The following ANO1 variants were observed in gnomAD, a reference collection of about 807,000 sequenced individuals.
ANO1 encodes the protein anoctamin 1, also known as anoctamin-1.
A neutral mutation model predicts 124.0 loss-of-function variants in ANO1; 59 were observed. That is an observed-to-expected ratio of 0.48 (90% CI 0.39 to 0.59). The LOEUF (loss-of-function observed/expected upper bound fraction) is 0.59. ANO1 is among the 20% of genes least tolerant of loss of function. ANO1 has a pLI of 0.00. For missense variants in ANO1, 1,059 were observed against 1,328.0 expected (o/e 0.80, Z 3.15); for synonymous variants, 529 against 532.0 (o/e 0.99, Z 0.08).
the ANO1 span, among the ~76,000 whole-genome samples, chr11:69,978,765 C>T: frequency 8.4e-4 from 128 of 152,282 alleles, no homozygotes; most frequent in African/African-American, 2.8e-3. Context: ...CTATTCAGGA[C>T]GAATTGAATT....
intron 2 of ANO1, among the ~76,000 whole-genome samples, chr11:70,093,856 C>T (rs193230836): frequency 3.3e-4 from 51 of 152,256 alleles, no homozygotes; most frequent in Non-Finnish European, 6.0e-4. Context: ...GGAGACGCAA[C>T]CTCGGGGCTC....
At chr11:69,993,491 T>C (rs1282686273) in intron 1 of ANO1, among the ~76,000 whole-genome samples, 2 of 152,192 alleles carry the variant, frequency 1.3e-5, no homozygotes, top group Non-Finnish European at 2.9e-5. Flanking sequence ...CCTCGGGCTA[T>C]ATTCCAGTTC....
At chr11:70,098,225 A>T (rs540107050) in intron 2 of ANO1, among the ~76,000 whole-genome samples, 2 of 152,150 alleles carry the variant, frequency 1.3e-5, no homozygotes, top group South Asian at 4.1e-4. Flanking sequence ...CCTCCTTGGG[A>T]GCTGAGGAAG....
chr11:70,139,662 C>A (rs1163804068), intron 11 of ANO1, among the ~76,000 whole-genome samples: 1 of 152,174 alleles, frequency 6.6e-6, no homozygotes, highest in African/African-American at 2.4e-5. Context: ...CATTGATGGG[C>A]ATCTTTGTTG....
intron 21 of ANO1, among the ~76,000 whole-genome samples, chr11:70,169,524 A>G (rs540539595): frequency 2.8e-4 from 42 of 150,788 alleles, no homozygotes; most frequent in Admixed American, 1.1e-3. Context: ...TTAGTGCCAG[A>G]GTAGGCAGCG....
At chr11:70,085,155 G>A (rs1405465368) in intron 1 of ANO1, among the ~76,000 whole-genome samples, 2 of 152,164 alleles carry the variant, frequency 1.3e-5, no homozygotes, top group East Asian at 1.9e-4. Context: ...TTCCTCCTTG[G>A]CGAATTGAGA....
intron 22 of ANO1, among the ~76,000 whole-genome samples, chr11:70,178,185 C>T (rs1212301363): frequency 2.0e-5 from 3 of 152,212 alleles, no homozygotes; most frequent in Non-Finnish European, 4.4e-5. Context: ...TCGGAGTCCA[C>T]GGAGGGCCCT....
At chr11:70,071,705 C>T (rs1857877833) in intron 1 of ANO1, among the ~76,000 whole-genome samples, 1 of 152,028 alleles carries the variant, frequency 6.6e-6, no homozygotes, top group Non-Finnish European at 1.5e-5. Context: ...CTCGCTGCAG[C>T]CTCAAACTTC....
chr11:70,001,195 GT>G (rs1238588277), intron 1 of ANO1, among the ~76,000 whole-genome samples: 1 of 152,220 alleles, frequency 6.6e-6, no homozygotes, highest in Non-Finnish European at 1.5e-5. Flanking sequence ...TACAGCTGTA[GT>G]CTGAGAAACC....
chr11:70,119,449 A>G (rs764402251), intron 8 of ANO1, among the ~76,000 whole-genome samples: 8 of 144,398 alleles, frequency 5.5e-5, no homozygotes, highest in Non-Finnish European at 1.2e-4. Flanking sequence ...TTAATGATGG[A>G]TGGATGGATG....
Position 70,026,579 on chromosome 11 carries a change from A to C in ANO1, c.58+40413A>C, listed in dbSNP as rs564970281. ...AATAATGATGATGACAACAGTAATGATGATGGTGGTGGTGGTGGTAGTGGC... is the reference window on the plus strand; with the variant it reads ...AATAATGATGATGACAACAGTAATGCTGATGGTGGTGGTGGTGGTAGTGGC... On this transcript the variant is annotated intron_variant, in intron 1 of 27. Coordinates refer to the ANO1 transcript ENST00000531349. Among the ~76,000 whole-genome samples, 183 of 151,872 alleles carry C rather than the reference A, an allele frequency of 1.2e-3. No homozygotes were observed. The Middle Eastern group carries it at 0.014, about 11-fold the overall frequency.
Position 70,010,173 on chromosome 11 carries a change from G to GTATATA in ANO1, c.58+24008_58+24009insATATAT, listed in dbSNP as rs1565159722. The stretch of plus-strand genomic sequence containing the variant: ...TGTGTGTGTGTGTGTGTGCGCGTGT[G>GTATATA]TGTGTGTATATATATATATATATAT... On this transcript the variant is annotated intron_variant, in intron 1 of 27. Transcript: ENST00000531349. Among the ~76,000 whole-genome samples, 11 of 50,566 alleles carry GTATATA rather than the reference G, an allele frequency of 2.2e-4. 1 individual carries two copies. The highest frequency in any genetic ancestry group is 6.6e-4 in the African/African-American group (11 of 16,748). The allele number at this position is 50,566 out of a possible 152,430, so 33.2% of individuals were successfully genotyped here.
chr11:70,065,880 G>A (rs1451735535), intron 1 of ANO1, among the ~76,000 whole-genome samples: 1 of 152,082 alleles, frequency 6.6e-6, no homozygotes, highest in Non-Finnish European at 1.5e-5. Flanking sequence ...GGCCTTCCAC[G>A]GCCACCCACG....
At chr11:70,045,414 T>G (rs781840830) in intron 1 of ANO1, among the ~76,000 whole-genome samples, 3 of 152,204 alleles carry the variant, frequency 2.0e-5, no homozygotes, top group African/African-American at 4.8e-5. Flanking sequence ...AAGCTCTGCT[T>G]ATATAGAAAG....
At chr11:70,008,690 A>G (rs1033619344) in intron 1 of ANO1, among the ~76,000 whole-genome samples, 3 of 151,244 alleles carry the variant, frequency 2.0e-5, no homozygotes, top group Non-Finnish European at 4.4e-5. Flanking sequence ...CTTTGGCAAC[A>G]TGCACCTCAA....
At chr11:69,996,743 A>G (rs1425967843) in intron 1 of ANO1, among the ~76,000 whole-genome samples, 1 of 152,214 alleles carries the variant, frequency 6.6e-6, no homozygotes, top group Non-Finnish European at 1.5e-5. Context: ...CCAAATACCA[A>G]GTCAGATGAG....
intron 18 of ANO1, among the ~76,000 whole-genome samples, chr11:70,162,340 G>T (rs1292283673): frequency 6.6e-6 from 1 of 152,104 alleles, no homozygotes; most frequent in African/African-American, 2.4e-5. Context: ...AGGGACTCCA[G>T]GCAGTGGGAA....
chr11:70,132,431 C>T (rs1326906561), intron 11 of ANO1, among the ~76,000 whole-genome samples: 2 of 152,162 alleles, frequency 1.3e-5, no homozygotes, highest in African/African-American at 4.8e-5. Flanking sequence ...CTGCAGCTGG[C>T]GACCACCACA....
intron 18 of ANO1, 122 bp from the exon 19 acceptor site, chr11:70,163,161 T>A: frequency 9.9e-7 from 1 of 1,014,020 alleles, no homozygotes; most frequent in South Asian, 1.6e-5. Flanking sequence ...GAGAGCCGCC[T>A]GTAGATACCC....
Sources: allele counts gnomAD v4.1 joint callset (sites outside exome capture counted in the v4.1 genomes callset), GRCh38; gene constraint gnomAD v4.1.1; transcripts MANE v1.5; gene names NCBI Gene and HGNC (gene_info 2026-07-23, HGNC 2026-07-21).